PANX1: variants seen among roughly 807,000 people sequenced by gnomAD.
PANX1 encodes the protein pannexin 1.
Under a neutral mutation model 38.7 loss-of-function variants are expected in PANX1, and 30 were observed. That is an observed-to-expected ratio of 0.78 (90% CI 0.58 to 1.05). PANX1 has a LOEUF of 1.05. PANX1 is among the 50% of genes least tolerant of loss of function. The pLI, the probability that PANX1 is intolerant of heterozygous loss-of-function variation, is 0.00. For missense variants in PANX1, 551 were observed against 517.2 expected (o/e 1.07, Z -0.63); for synonymous variants, 230 against 212.2 (o/e 1.08, Z -0.73).
chr11:94,168,396 C>T lies in PANX1; in HGVS notation c.322-9973C>T, dbSNP rs551580627. The stretch of plus-strand genomic sequence containing the variant: ...AGGTACCTGAGCAGGGTGAACTTGG[C>T]GGTTCCAAGAGTTAAGCCTCAGTAA... On this transcript the variant is annotated intron_variant, in intron 2 of 4. Transcript: ENST00000227638. Among the ~76,000 whole-genome samples the T allele has an allele frequency of 9.6e-4, 146 of 151,378 alleles. 2 individuals are homozygous for T. Among genetic ancestry groups the T allele is most frequent in the African/African-American group, 3.4e-3 (139 of 41,150 alleles).
Position 94,150,054 on chromosome 11 carries a change from T to C in PANX1, c.182-3437T>C, listed in dbSNP as rs1008554013. On this transcript the variant is annotated intron_variant, in intron 1 of 4. Coordinates refer to ENST00000227638, the MANE Select transcript of PANX1 (RefSeq NM_015368.4). ...GCAGAAAAGCACTGTGGGAAGTCAG[T>C]GGGGGAGGAAGCTTTGTGAAGAGGG... Among the ~76,000 whole-genome samples, 4 of 151,956 alleles carry C rather than the reference T, an allele frequency of 2.6e-5. No individual in the cohort carries two copies. In the East Asian group the frequency reaches 5.8e-4, roughly 22 times the overall value.
intron 1 of PANX1, among the ~76,000 whole-genome samples, chr11:94,146,908 A>G (rs955318799): frequency 6.6e-6 from 1 of 152,216 alleles, no homozygotes; most frequent in Admixed American, 6.5e-5. Flanking sequence ...GAACTTTAGT[A>G]ATTGCACTAG....
intron 2 of PANX1, among the ~76,000 whole-genome samples, chr11:94,176,395 G>A (rs1947232997): frequency 6.6e-6 from 1 of 151,620 alleles, no homozygotes; most frequent in Non-Finnish European, 1.5e-5. Context: ...TGAGTACCCT[G>A]GATTGGATCT....
At chr11:94,142,067 G>C (rs1946768376) in intron 1 of PANX1, among the ~76,000 whole-genome samples, 1 of 152,190 alleles carries the variant, frequency 6.6e-6, no homozygotes, top group African/African-American at 2.4e-5. Context: ...GGGTTCTCAG[G>C]CACTGCTGTG....
chr11:94,146,742 AAGAC>A (rs1461575206), intron 1 of PANX1, among the ~76,000 whole-genome samples: 11 of 152,324 alleles, frequency 7.2e-5, no homozygotes, highest in East Asian at 3.9e-4. Flanking sequence ...ATGACAGAGA[AAGAC>A]AGAGAAAGTT....
chr11:94,152,514 A>C (rs758839214), intron 1 of PANX1, among the ~76,000 whole-genome samples: 7 of 152,092 alleles, frequency 4.6e-5, no homozygotes, highest in Admixed American at 1.3e-4. Context: ...ATGGAGCCTT[A>C]GCTCTGACCC....
rs566801347 is a variant in PANX1 at position 94,147,310 on chromosome 11, C to T, written c.182-6181C>T. On this transcript the variant is annotated intron_variant, in intron 1 of 4. Transcript: ENST00000227638. ...AAAGTAAAATATATATATTTAAATA[C>T]ATCCAGTACTTTCATCTTAATATAA... Among the ~76,000 whole-genome samples, 6 of 152,254 alleles carry T rather than the reference C, an allele frequency of 3.9e-5. 1 individual carries two copies. The South Asian group carries it at 1.2e-3, about 32-fold the overall frequency.
intron 2 of PANX1, among the ~76,000 whole-genome samples, chr11:94,162,460 A>G (rs1398478599): frequency 1.3e-5 from 2 of 151,988 alleles, no homozygotes; most frequent in African/African-American, 4.8e-5. Context: ...TTGCAGTTTG[A>G]TCTCGACTGC....
rs1946912939 is a variant in PANX1, at chr11:94,153,717, G to C, written c.321+87G>C. ...GGGAGGCTATGCCAAAGACCACACA[G>C]ATATTGTAGCCAACCAGTGCTGTAT... On this transcript the variant is annotated intron_variant, in intron 2 of 4. Transcript: ENST00000227638. 3 of 1,256,800 alleles carry C rather than the reference G, an allele frequency of 2.4e-6. No individual in the cohort carries two copies. The South Asian group carries it at 4.2e-5, about 17-fold the overall frequency. 77.9% of individuals were successfully genotyped at this position (1,256,800 alleles called of 1,614,324 possible).
chr11:94,163,057 A>G (rs2134507336), intron 2 of PANX1, among the ~76,000 whole-genome samples: 1 of 152,036 alleles, frequency 6.6e-6, no homozygotes, highest in Admixed American at 6.5e-5. Flanking sequence ...TATTTTTTGT[A>G]GAAATGGTCT....
At chr11:94,143,607 A>G (rs1946790195) in intron 1 of PANX1, among the ~76,000 whole-genome samples, 1 of 152,230 alleles carries the variant, frequency 6.6e-6, no homozygotes, top group South Asian at 2.1e-4. Context: ...GCTGGGAAGT[A>G]AAAGAGAAAA....
In PANX1 at chr11:94,134,289, T is replaced by C. The variant is rs1030887923; in HGVS notation, c.181+4796T>C. ...GGCCCTTCATTTCTAACACATCTAC[T>C]CTCAGATGCCTCTAGAAGTGCTGCA... On this transcript the variant is annotated intron_variant, in intron 1 of 4. Transcript: ENST00000227638. Among the ~76,000 whole-genome samples, 9 of 152,152 alleles carry C rather than the reference T, an allele frequency of 5.9e-5. No homozygotes were observed. In the South Asian group the frequency reaches 1.7e-3, roughly 28 times the overall value.
intron 2 of PANX1, among the ~76,000 whole-genome samples, chr11:94,157,096 A>G (rs1044480632): frequency 6.6e-6 from 1 of 152,036 alleles, no homozygotes; most frequent in African/African-American, 2.4e-5. Flanking sequence ...CATGGTGTAT[A>G]TGTGCCACAT....
intron 1 of PANX1, among the ~76,000 whole-genome samples, chr11:94,144,589 T>C (rs1318414463): frequency 2.6e-5 from 4 of 152,140 alleles, no homozygotes; most frequent in Non-Finnish European, 4.4e-5. Context: ...TTTAATGAAC[T>C]TGGGCCTAGA....
At chr11:94,160,225 T>C (rs1240872682) in intron 2 of PANX1, among the ~76,000 whole-genome samples, 2 of 152,230 alleles carry the variant, frequency 1.3e-5, no homozygotes, top group East Asian at 3.8e-4. Context: ...TGGACAGTTC[T>C]GTAGATGTCT....
intron 2 of PANX1, among the ~76,000 whole-genome samples, chr11:94,160,195 T>C (rs11499550): frequency 0.15 from 22,592 of 152,166 alleles, 1,707 homozygotes; most frequent in African/African-American, 0.2. Context: ...GAGAAGAATG[T>C]ATATTCTGTT....
chr11:94,128,955 G>A lies in PANX1; in HGVS notation c.-358G>A. On this transcript the variant is annotated 5_prime_UTR_variant, in exon 1 of 5. Transcript: ENST00000227638. ...GCGGCGCGGAGGGGCAGGGCCAGAG[G>A]GAAGCGCTTTGTTCCGCGCGTGGTT... is the stretch of plus-strand genomic sequence containing the variant. 5.8e-6 allele frequency: 1 copy of A among 172,390 alleles called. No homozygotes were observed. The allele number at this position is 172,390 out of a possible 1,614,324, so 10.7% of individuals were successfully genotyped here. A position where few individuals can be genotyped will look rare whatever the true frequency, so the allele number is the denominator to read the frequency against.
chr11:94,175,847 C>T, intron 2 of PANX1: 1 of 984,706 alleles, frequency 1.0e-6, no homozygotes, highest in Non-Finnish European at 1.2e-6. Flanking sequence ...TTTTGAAACA[C>T]CTCATCCCGT....
At chr11:94,161,183 G>C (rs1947027004) in intron 2 of PANX1, among the ~76,000 whole-genome samples, 1 of 152,116 alleles carries the variant, frequency 6.6e-6, no homozygotes, top group Non-Finnish European at 1.5e-5. Flanking sequence ...CAACTTTGGT[G>C]AATCTGACAA....
Sources: gnomAD v4.1 joint callset for allele counts (sites outside exome capture counted in the v4.1 genomes callset) on GRCh38, gnomAD v4.1.1 for gene constraint, MANE v1.5 for transcripts, NCBI Gene and HGNC (gene_info 2026-07-23, HGNC 2026-07-21) for gene names.